BBOF1: variants seen among roughly 807,000 people sequenced by gnomAD.
The protein encoded by BBOF1 is basal body orientation factor 1.
A neutral mutation model predicts 68.0 loss-of-function variants in BBOF1; 62 were observed. The observed-to-expected ratio is 0.91, with a 90% CI of 0.74 to 1.13. The LOEUF (loss-of-function observed/expected upper bound fraction) is 1.13. Ranked by LOEUF, BBOF1 falls within the 50% of genes most tolerant of loss-of-function variation. BBOF1 has a pLI of 0.00. For missense variants in BBOF1, 534 were observed against 600.1 expected (o/e 0.89, Z 1.15); for synonymous variants, 208 against 198.8 (o/e 1.05, Z -0.39).
chr14:74,067,982 T>C (rs1002615103), downstream of BBOF1, among the ~76,000 whole-genome samples: 1 of 133,234 alleles, frequency 7.5e-6, no homozygotes, highest in Non-Finnish European at 1.6e-5. Flanking sequence ...TTTTTAGTTA[T>C]ATGAAGAGCA....
chr14:74,023,658 G>A lies in BBOF1; in HGVS notation c.285+514G>A, dbSNP rs143766599. 3.9e-3 allele frequency among the ~76,000 whole-genome samples: 597 copies of A among 152,220 alleles called. 4 individuals carry two copies. The highest frequency in any genetic ancestry group is 0.014 in the Middle Eastern group (4 of 292). On this transcript the variant is annotated intron_variant, in intron 2 of 11. Coordinates refer to ENST00000394009, the MANE Select transcript of BBOF1 (RefSeq NM_025057.3). ...AGGCCGGGTGTGGTGGCTCACGCCT[G>A]TAATCCCACCACTTTGGGAGGCTGA...
chr14:74,082,163 C>T (rs1209544540), intron 12 of BBOF1, among the ~76,000 whole-genome samples: 3 of 152,152 alleles, frequency 2.0e-5, no homozygotes, highest in African/African-American at 7.2e-5. Context: ...TGTGATTGCA[C>T]CACTGCACTC....
chr14:74,079,427 TTG>T (rs1476867331), intron 10 of BBOF1, among the ~76,000 whole-genome samples: 2,085 of 139,586 alleles, frequency 0.015, 32 homozygotes, highest in African/African-American at 0.054. Context: ...TTTTTTCTTA[TTG>T]TTTTTTTTTT....
intron 4 of BBOF1, among the ~76,000 whole-genome samples, chr14:74,036,783 G>C (rs1398986424): frequency 1.3e-5 from 2 of 151,208 alleles, no homozygotes; most frequent in African/African-American, 4.9e-5. Flanking sequence ...TACCTATCTG[G>C]GAACATTATT....
At chr14:74,036,080 G>T (rs938406447) in intron 4 of BBOF1, among the ~76,000 whole-genome samples, 1 of 151,432 alleles carries the variant, frequency 6.6e-6, no homozygotes, top group Non-Finnish European at 1.5e-5. Flanking sequence ...TTTTGAGATG[G>T]AGTGTTGCTC....
intron 8 of BBOF1, among the ~76,000 whole-genome samples, chr14:74,051,847 G>A (rs552979057): frequency 1.3e-5 from 2 of 151,740 alleles, no homozygotes; most frequent in South Asian, 2.1e-4. Context: ...CTCACAAAGC[G>A]CTGGGATTAC....
At chr14:74,079,578 G>A (rs1432892262) in intron 10 of BBOF1, among the ~76,000 whole-genome samples, 3 of 151,910 alleles carry the variant, frequency 2.0e-5, no homozygotes, top group African/African-American at 7.2e-5. Flanking sequence ...GACTACAGGC[G>A]CCCGCCACCA....
chr14:74,049,754 G>C lies in BBOF1; in HGVS notation c.845G>C (p.Arg282Thr), dbSNP rs768033405. The change falls in exon 8 of 12, where the codon AGA becomes ACA. Residue 282 changes from arginine (R) to threonine (T), a missense_variant. Transcript: ENST00000394009. ...KEKIMQLVQQ[R>T]SQIQTLQKKV... The stretch of plus-strand genomic sequence containing the variant: ...AAGATTATGCAACTTGTCCAGCAGA[G>C]ATCACAAATCCAAACCCTTCAGAAG... The C allele has an allele frequency of 1.9e-6, 3 of 1,614,042 alleles. No individual in the cohort carries two copies. Among genetic ancestry groups the C allele is most frequent in the Non-Finnish European group, 2.5e-6 (3 of 1,179,980 alleles).
chr14:74,043,633 C>T (rs1175658999), intron 5 of BBOF1, among the ~76,000 whole-genome samples: 3 of 147,892 alleles, frequency 2.0e-5, no homozygotes, highest in Non-Finnish European at 4.5e-5. Flanking sequence ...GGCATGATCT[C>T]GGCTCACTGC....
At chr14:74,072,800 G>A (rs1410575258) in intron 9 of BBOF1, among the ~76,000 whole-genome samples, 1 of 151,956 alleles carries the variant, frequency 6.6e-6, no homozygotes, top group African/African-American at 2.4e-5. Context: ...GTGTGTGTGT[G>A]TTTATTTTTT....
At chr14:74,036,413 T>C (rs935559629) in intron 4 of BBOF1, among the ~76,000 whole-genome samples, 3 of 152,122 alleles carry the variant, frequency 2.0e-5, no homozygotes, top group Admixed American at 6.6e-5. Flanking sequence ...TGAGGCACAG[T>C]GGCTCACACC....
intron 2 of BBOF1, among the ~76,000 whole-genome samples, chr14:74,027,062 A>C: frequency 6.6e-6 from 1 of 151,754 alleles, no homozygotes; most frequent in South Asian, 2.1e-4. Context: ...ATACATGAAT[A>C]AATAAGGGAG....
chr14:74,028,526 C>G (rs1369585591), intron 2 of BBOF1, among the ~76,000 whole-genome samples: 1 of 133,402 alleles, frequency 7.5e-6, no homozygotes, highest in African/African-American at 2.8e-5. Context: ...AGAGGGAAAG[C>G]AAATGCGGCA....
At chr14:74,024,406 T>C (rs998999344) in intron 2 of BBOF1, among the ~76,000 whole-genome samples, 2 of 152,114 alleles carry the variant, frequency 1.3e-5, no homozygotes, top group African/African-American at 2.4e-5. Flanking sequence ...CAGTGAGCCA[T>C]GGTCATGTCA....
At position 74,064,963 on chromosome 14, in the gene BBOF1, A is replaced by G; in HGVS notation, c.*264A>G. The G allele has an allele frequency of 6.4e-7, 1 of 1,569,842 alleles. No individual in the cohort carries two copies. Among genetic ancestry groups the G allele is most frequent in the Non-Finnish European group, 8.7e-7 (1 of 1,143,450 alleles). ...CGTGTCATATCCTAAGGACAAAGGA[A>G]CTCTCCATTTAGAAACACAAAGGCA... On this transcript the variant is annotated 3_prime_UTR_variant, in exon 12 of 12. Transcript: ENST00000394009.
chr14:74,078,443 T>G (rs1272639721), intron 10 of BBOF1: 1 of 278,060 alleles, frequency 3.6e-6, no homozygotes, highest in Admixed American at 4.8e-5. Flanking sequence ...AGCCTCCATC[T>G]CCTGGGCTCA....
intron 9 of BBOF1, chr14:74,071,664 A>T: frequency 6.6e-7 from 1 of 1,524,560 alleles, no homozygotes; most frequent in Admixed American, 2.1e-5. Context: ...AGATTCTCTG[A>T]ATGGGAAAAA....
chr14:74,057,153 T>C lies in BBOF1; in HGVS notation c.1473T>C (p.Ser491=). The C allele has an allele frequency of 6.2e-7, 1 of 1,611,690 alleles. No individual in the cohort carries two copies. The highest frequency in any genetic ancestry group is 8.5e-7 in the Non-Finnish European group (1 of 1,178,218). The part of the protein sequence containing the change: ...SGETKEFGDE[S]KLQDKIFITQ... ...TTTGTCATTATTGCAGGGATGAAAG[T>C]AAGCTTCAAGATAAAATCTTCATCA... The change falls in exon 11 of 12, where the codon AGT becomes AGC. Residue 491 remains serine (S), a synonymous_variant. Coordinates refer to ENST00000394009, the MANE Select transcript of BBOF1 (RefSeq NM_025057.3).
chr14:74,055,412 G>C, intron 8 of BBOF1, 172 bp from the exon 9 acceptor site: 1 of 532,180 alleles, frequency 1.9e-6, no homozygotes, highest in Non-Finnish European at 3.3e-6. Flanking sequence ...GCCTCCCAAA[G>C]TGCTGGGATT....
Sources: allele counts gnomAD v4.1 joint callset (sites outside exome capture counted in the v4.1 genomes callset), GRCh38; gene constraint gnomAD v4.1.1; transcripts MANE v1.5; gene names NCBI Gene and HGNC (gene_info 2026-07-23, HGNC 2026-07-21).